The following TSHZ2 variants were observed in gnomAD, a reference collection of about 807,000 sequenced individuals.
The protein encoded by TSHZ2 is teashirt homolog 2.
Under a neutral mutation model 74.4 loss-of-function variants are expected in TSHZ2, and 21 were observed. The observed-to-expected ratio is 0.28, with a 90% CI of 0.20 to 0.41. The LOEUF (loss-of-function observed/expected upper bound fraction) is 0.41, where lower values mean the gene tolerates loss of function less well. Ranked by LOEUF, TSHZ2 falls within the 10% of genes least tolerant of loss-of-function variation. The probability of loss-of-function intolerance (pLI) is 1.00; values close to 1 mark genes in which losing one functional copy is unlikely to be tolerated. For synonymous variants in TSHZ2, 540 were observed against 515.3 expected (o/e 1.05, Z -0.65); for missense variants, 1,244 against 1,293.5 (o/e 0.96, Z 0.59).
intron 1 of TSHZ2, among the ~76,000 whole-genome samples, chr20:53,006,698 T>A (rs1354033772): frequency 6.6e-6 from 1 of 152,242 alleles, no homozygotes; most frequent in African/African-American, 2.4e-5. Flanking sequence ...CAATGTAAAC[T>A]GCCATTTTAT....
intron 1 of TSHZ2, among the ~76,000 whole-genome samples, chr20:53,005,562 A>T (rs1233414763): frequency 6.6e-6 from 1 of 152,158 alleles, no homozygotes; most frequent in Admixed American, 6.5e-5. Flanking sequence ...TAAATCCTGC[A>T]TGCAGCGTGT....
chr20:53,002,334 G>A (rs746336849), intron 1 of TSHZ2, among the ~76,000 whole-genome samples: 8 of 152,162 alleles, frequency 5.3e-5, no homozygotes, highest in Non-Finnish European at 1.0e-4. Flanking sequence ...TTAACTCTGA[G>A]TAAATTTCAT....
chr20:53,231,266 C>A (rs1989818932), intron 1 of TSHZ2, among the ~76,000 whole-genome samples: 1 of 152,206 alleles, frequency 6.6e-6, no homozygotes, highest in Non-Finnish European at 1.5e-5. Flanking sequence ...TCTTGACATC[C>A]TGCATATACA....
At chr20:53,303,037 C>G (rs1304964657) in intron 2 of TSHZ2, among the ~76,000 whole-genome samples, 1 of 152,192 alleles carries the variant, frequency 6.6e-6, no homozygotes, top group African/African-American at 2.4e-5. Context: ...TCCTTCCAAC[C>G]ACATGTACCT....
At chr20:53,478,826 C>T (rs917013919) in intron 2 of TSHZ2, among the ~76,000 whole-genome samples, 5 of 151,808 alleles carry the variant, frequency 3.3e-5, no homozygotes, top group African/African-American at 9.7e-5. Context: ...ATTTCTAGAT[C>T]GGGTGGCCAG....
intron 2 of TSHZ2, among the ~76,000 whole-genome samples, chr20:53,427,646 G>C (rs1242946699): frequency 6.6e-6 from 1 of 152,228 alleles, no homozygotes; most frequent in Non-Finnish European, 1.5e-5. Flanking sequence ...AACAGAAATA[G>C]CTAAGTTTGA....
intron 2 of TSHZ2, among the ~76,000 whole-genome samples, chr20:53,341,723 G>A (rs557672549): frequency 2.6e-4 from 40 of 151,960 alleles, no homozygotes; most frequent in Non-Finnish European, 3.7e-4. Flanking sequence ...AGGGGGGTGC[G>A]GGCTGGGGGG....
rs747773355 is a variant in TSHZ2 at position 53,254,767 on chromosome 20, A to G, written c.1309A>G (p.Asn437Asp). ...AATGCAGTCGTTGTCTGAGGCCCCA[A>G]ACAGTGATTCTCTGGCTCCCAAGCC... ...EKMQSLSEAP[N>D]SDSLAPKPSS... is the part of the protein sequence containing the mutation. Residue 437 changes from asparagine to aspartate, a missense_variant, in exon 2 of 3, where the codon AAC (asparagine) becomes GAC (aspartate). Asn to Asp is a conservative substitution (Grantham distance 23). Coordinates refer to ENST00000371497, the MANE Select transcript of TSHZ2 (RefSeq NM_173485.6). 8 of 1,613,398 alleles carry G rather than the reference A, an allele frequency of 5.0e-6. No individual in the cohort carries two copies. Among genetic ancestry groups the G allele is most frequent in the Non-Finnish European group, 6.8e-6 (8 of 1,179,460 alleles).
At position 53,440,458 on chromosome 20, in the gene TSHZ2, G is replaced by A. The variant is rs1172937779; in HGVS notation, c.*9-46686G>A. Among the ~76,000 whole-genome samples, 8 of 152,064 alleles carry A rather than the reference G, an allele frequency of 5.3e-5. No homozygotes were observed. In the East Asian group the frequency reaches 1.3e-3, roughly 26 times the overall value. On this transcript the variant is annotated intron_variant, in intron 2 of 2. Transcript: ENST00000371497. ...CTTACGTCATTGTCACATTTCTGTC[G>A]TCCTTAATTCTTTGTTCGTATCTAT... is the stretch of plus-strand genomic sequence containing the variant.
intron 2 of TSHZ2, among the ~76,000 whole-genome samples, chr20:53,364,833 A>C (rs560141277): frequency 6.6e-6 from 1 of 152,296 alleles, no homozygotes; most frequent in South Asian, 2.1e-4. Flanking sequence ...TTTTTCATCC[A>C]AGCCACTATT....
intron 1 of TSHZ2, among the ~76,000 whole-genome samples, chr20:53,003,122 C>A (rs6097185): frequency 6.6e-6 from 1 of 152,152 alleles, no homozygotes; most frequent in Admixed American, 6.5e-5. Context: ...AAACTAAATT[C>A]TTTTTCTAAG....
intron 2 of TSHZ2, among the ~76,000 whole-genome samples, chr20:53,410,396 A>G (rs1334913267): frequency 1.3e-5 from 2 of 152,104 alleles, no homozygotes; most frequent in African/African-American, 4.8e-5. Context: ...GAAAAAACAG[A>G]GCAAATCAAG....
rs377053002 is a variant in TSHZ2 at position 53,212,580 on chromosome 20, T to C, written c.41-40919T>C. 5.9e-5 allele frequency among the ~76,000 whole-genome samples: 9 copies of C among 152,304 alleles called. No individual in the cohort carries two copies. In the East Asian group the frequency reaches 1.2e-3, roughly 20 times the overall value. On this transcript the variant is annotated intron_variant, in intron 1 of 2. Coordinates refer to ENST00000371497, the MANE Select transcript of TSHZ2 (RefSeq NM_173485.6). Reference sequence around the variant, plus strand: ...TCGTTTATATAATAATCAGGACTGCTTTCATTCAGAGTACAGAAAGCCCAA... The same window carrying C: ...TCGTTTATATAATAATCAGGACTGCCTTCATTCAGAGTACAGAAAGCCCAA...
chr20:53,289,666 G>A (rs1991243811), intron 2 of TSHZ2, among the ~76,000 whole-genome samples: 3 of 152,110 alleles, frequency 2.0e-5, no homozygotes, highest in South Asian at 4.1e-4. Context: ...TTAGAGACAT[G>A]GTTTAGGGAA....
chr20:53,229,267 C>A (rs1254145592), intron 1 of TSHZ2, among the ~76,000 whole-genome samples: 1 of 151,710 alleles, frequency 6.6e-6, no homozygotes, highest in Non-Finnish European at 1.5e-5. Context: ...GCAGCTAACC[C>A]AGTACGTCAC....
chr20:53,002,170 A>G lies in TSHZ2; in HGVS notation c.40+28837A>G, dbSNP rs535514056. ...TTTGCATTTTAATTCTCACCCCAGT[A>G]AAGAGACATAATGGTATCCATGTTA... is the stretch of plus-strand genomic sequence containing the variant. On this transcript the variant is annotated intron_variant, in intron 1 of 2. Transcript: ENST00000371497. Among the ~76,000 whole-genome samples, 9 of 152,306 alleles carry G rather than the reference A, an allele frequency of 5.9e-5. No homozygotes were observed. In the East Asian group the frequency reaches 1.7e-3, roughly 29 times the overall value.
At chr20:53,242,126 G>C (rs920305131) in intron 1 of TSHZ2, among the ~76,000 whole-genome samples, 3 of 152,106 alleles carry the variant, frequency 2.0e-5, no homozygotes, top group Non-Finnish European at 4.4e-5. Flanking sequence ...CTTTGACTTT[G>C]CAGCATTTCT....
At chr20:53,458,425 T>A (rs1363949561) in intron 2 of TSHZ2, among the ~76,000 whole-genome samples, 1 of 152,230 alleles carries the variant, frequency 6.6e-6, no homozygotes, top group Non-Finnish European at 1.5e-5. Context: ...TCATTTTTTA[T>A]TACATCTATT....
At chr20:53,241,141 A>T (rs1022719312) in intron 1 of TSHZ2, among the ~76,000 whole-genome samples, 1 of 152,198 alleles carries the variant, frequency 6.6e-6, no homozygotes, top group African/African-American at 2.4e-5. Flanking sequence ...TATCATTCTT[A>T]AACTAGCCCT....
Sources: allele counts gnomAD v4.1 joint callset (sites outside exome capture counted in the v4.1 genomes callset), GRCh38; gene constraint gnomAD v4.1.1; transcripts MANE v1.5; gene names NCBI Gene and HGNC (gene_info 2026-07-23, HGNC 2026-07-21).